Variants in ANKRD6 observed in about 807,000 individuals in gnomAD.
ANKRD6 encodes ankyrin repeat domain 6.
ANKRD6 carries 56 observed loss-of-function variants against 82.3 expected under a neutral mutation model. The observed-to-expected ratio is 0.68, with a 90% CI of 0.55 to 0.85. The LOEUF is 0.85. ANKRD6 is among the 40% of genes least tolerant of loss of function. The pLI, the probability that ANKRD6 is intolerant of heterozygous loss-of-function variation, is 0.00. For missense variants in ANKRD6, 852 were observed against 907.6 expected (o/e 0.94, Z 0.79); for synonymous variants, 347 against 352.1 (o/e 0.99, Z 0.16).
intron 1 of ANKRD6, among the ~76,000 whole-genome samples, chr6:89,562,231 G>A (rs1237363198): frequency 1.3e-5 from 2 of 152,104 alleles, no homozygotes; most frequent in Admixed American, 6.5e-5. Flanking sequence ...CCCCCTCCCC[G>A]GCAGAGACTG....
At chr6:89,543,582 G>T (rs1021191689) in intron 1 of ANKRD6, among the ~76,000 whole-genome samples, 5 of 152,200 alleles carry the variant, frequency 3.3e-5, no homozygotes, top group African/African-American at 1.2e-4. Context: ...TGTGGCCTGT[G>T]ATCCTAGTAG....
chr6:89,534,289 G>C (rs955834972), intron 1 of ANKRD6, among the ~76,000 whole-genome samples: 5 of 152,114 alleles, frequency 3.3e-5, no homozygotes, highest in African/African-American at 1.2e-4. Context: ...GAAGTATAAA[G>C]CTTTTCAATT....
intron 1 of ANKRD6, among the ~76,000 whole-genome samples, chr6:89,540,747 T>C (rs937601214): frequency 1.3e-5 from 2 of 152,244 alleles, no homozygotes; most frequent in African/African-American, 4.8e-5. Context: ...CTTGTAGTTG[T>C]TTCATGGTTG....
chr6:89,624,362 A>T, intron 12 of ANKRD6, 177 bp from the exon 13 acceptor site: 2 of 765,420 alleles, frequency 2.6e-6, no homozygotes, highest in Non-Finnish European at 2.1e-6. Context: ...TCTGAATTTT[A>T]GTGTCTGCTA....
chr6:89,550,870 C>A (rs1043662988), intron 1 of ANKRD6, among the ~76,000 whole-genome samples: 1 of 152,028 alleles, frequency 6.6e-6, no homozygotes, highest in African/African-American at 2.4e-5. Flanking sequence ...GCAGGAGAAT[C>A]GCTTGAACTC....
intron 7 of ANKRD6, among the ~76,000 whole-genome samples, chr6:89,614,978 A>G (rs1048251941): frequency 7.2e-5 from 11 of 152,208 alleles, no homozygotes; most frequent in African/African-American, 2.7e-4. Context: ...AATTGGGCAT[A>G]TAATCTGTAG....
At chr6:89,533,273 C>T (rs941740087) in intron 1 of ANKRD6, among the ~76,000 whole-genome samples, 3 of 152,160 alleles carry the variant, frequency 2.0e-5, no homozygotes, top group Non-Finnish European at 4.4e-5. Context: ...CTGTGATCTT[C>T]ACTTTAATAG....
In ANKRD6 at chr6:89,623,947, C is replaced by T; in HGVS notation, c.1108C>T (p.His370Tyr). The T allele has an allele frequency of 6.2e-7, 1 of 1,613,920 alleles. No homozygotes were observed. The highest frequency in any genetic ancestry group is 8.5e-7 in the Non-Finnish European group (1 of 1,179,862). ...CCAGAAGAACCTGCATGCTCATAAT[C>T]ACCCTAAAAAGAGGAACAGGCATCG... ...GHQKNLHAHN[H>Y]PKKRNRHRCS... The change falls in exon 12 of 16, where the codon CAC becomes TAC. Residue 370 changes from histidine (H) to tyrosine (Y), a missense_variant. His to Tyr is a moderately conservative substitution (Grantham distance 83). Transcript: ENST00000339746.
chr6:89,554,023 A>T (rs999027630), intron 1 of ANKRD6, among the ~76,000 whole-genome samples: 1 of 152,164 alleles, frequency 6.6e-6, no homozygotes, highest in Non-Finnish European at 1.5e-5. Context: ...GGGGGGTGTG[A>T]GTGACTTCAA....
chr6:89,567,513 A>T (rs1392199060), intron 2 of ANKRD6, among the ~76,000 whole-genome samples: 2 of 152,162 alleles, frequency 1.3e-5, no homozygotes, highest in African/African-American at 4.8e-5. Context: ...CCTGGACCAG[A>T]TGACTGCTAC....
intron 1 of ANKRD6, among the ~76,000 whole-genome samples, chr6:89,517,805 AG>A (rs928291478): frequency 6.6e-6 from 1 of 152,148 alleles, no homozygotes; most frequent in Non-Finnish European, 1.5e-5. Context: ...TGTTTTCCTA[AG>A]GGGGGGACTA....
intron 13 of ANKRD6, among the ~76,000 whole-genome samples, chr6:89,625,668 C>T (rs1805394093): frequency 6.6e-6 from 1 of 151,910 alleles, no homozygotes; most frequent in Non-Finnish European, 1.5e-5. Flanking sequence ...ATTGCTTTCA[C>T]ACCTGAGAAA....
At chr6:89,437,299 C>G (rs1323259680) in intron 1 of ANKRD6, among the ~76,000 whole-genome samples, 1 of 152,104 alleles carries the variant, frequency 6.6e-6, no homozygotes, top group Admixed American at 6.6e-5. Flanking sequence ...TCTTTCTGCT[C>G]AGACCCCAGA....
At chr6:89,554,647 T>A (rs1786323868) in intron 1 of ANKRD6, among the ~76,000 whole-genome samples, 1 of 152,200 alleles carries the variant, frequency 6.6e-6, no homozygotes, top group Admixed American at 6.5e-5. Context: ...AATAAGCCTG[T>A]ATTGTTTCCA....
chr6:89,500,647 C>T (rs1460583144), intron 1 of ANKRD6, among the ~76,000 whole-genome samples: 3 of 152,112 alleles, frequency 2.0e-5, no homozygotes, highest in Non-Finnish European at 4.4e-5. Flanking sequence ...CTAACGCCCT[C>T]CTCCCAGGTC....
intron 1 of ANKRD6, among the ~76,000 whole-genome samples, chr6:89,448,707 C>T (rs2127951519): frequency 6.6e-6 from 1 of 152,238 alleles, no homozygotes; most frequent in Non-Finnish European, 1.5e-5. Flanking sequence ...GCCCATGGAT[C>T]AAAGAGTTAA....
chr6:89,433,885 A>T lies in ANKRD6; in HGVS notation c.-144+510A>T, dbSNP rs576460840. Among the ~76,000 whole-genome samples the T allele has an allele frequency of 4.6e-5, 7 of 152,348 alleles. No individual in the cohort carries two copies. The highest frequency in any genetic ancestry group is 1.3e-4 in the Admixed American group (2 of 15,300). ...GAGCCCCATCGGCGAAGCCTCAGCA[A>T]GTGGCATCTCCCGGGGTCCAGAGAG... On this transcript the variant is annotated intron_variant, in intron 1 of 15. Transcript: ENST00000339746. This position sits in a 1 kb window ranked among gnomAD's most constrained non-coding sequence, Gnocchi z 4.3.
In ANKRD6 at chr6:89,462,783, C is replaced by G. The variant is rs543320413; in HGVS notation, c.-144+29408C>G. ...AAATCTCTTAAGTTACTGGAGCTGT[C>G]TTATTTATTTTTAGAGATGTTTTTA... On this transcript the variant is annotated intron_variant, in intron 1 of 15. Transcript: ENST00000339746. 1.5e-4 allele frequency among the ~76,000 whole-genome samples: 23 copies of G among 151,418 alleles called. No individual in the cohort carries two copies. In the South Asian group the frequency reaches 4.4e-3, roughly 29 times the overall value.
chr6:89,609,388 G>C (rs1301049715), intron 5 of ANKRD6, among the ~76,000 whole-genome samples: 2 of 151,894 alleles, frequency 1.3e-5, no homozygotes, highest in African/African-American at 4.8e-5. Flanking sequence ...TGCAACCTCC[G>C]CCTCCCGGGT....
Sources: gnomAD v4.1 joint callset for allele counts (sites outside exome capture counted in the v4.1 genomes callset) on GRCh38, gnomAD v4.1.1 for gene constraint, Gnocchi (gnomAD v3.1) non-coding constraint, MANE v1.5 for transcripts, NCBI Gene and HGNC (gene_info 2026-07-23, HGNC 2026-07-21) for gene names.